NRG1: variants seen among roughly 807,000 people sequenced by gnomAD.
NRG1 encodes neuregulin 1.
Under a neutral mutation model 63.8 loss-of-function variants are expected in NRG1, and 18 were observed. That is an observed-to-expected ratio of 0.28 (90% CI 0.19 to 0.42). The LOEUF is 0.42. Ranked by LOEUF, NRG1 falls within the 10% of genes least tolerant of loss-of-function variation. The probability of loss-of-function intolerance (pLI) is 1.00; values close to 1 mark genes in which losing one functional copy is unlikely to be tolerated. For synonymous variants in NRG1, 302 were observed against 301.3 expected (o/e 1.00, Z -0.02); for missense variants, 762 against 814.7 (o/e 0.94, Z 0.79).
chr8:32,029,391 A>G (rs189290634), intron 1 of NRG1: 13 of 152,324 alleles, frequency 8.5e-5, no homozygotes, highest in Admixed American at 4.6e-4. Flanking sequence ...TCGGGCAGCC[A>G]TTAGAACCAA....
chr8:32,004,573 T>C (rs1396624149), intron 1 of NRG1, among the ~76,000 whole-genome samples: 1 of 151,718 alleles, frequency 6.6e-6, no homozygotes, highest in Non-Finnish European at 1.5e-5. Flanking sequence ...ATAAATCTAA[T>C]ACTGTTTAAA....
chr8:32,658,629 C>T (rs1441946338), intron 5 of NRG1, among the ~76,000 whole-genome samples: 2 of 146,784 alleles, frequency 1.4e-5, no homozygotes, highest in Non-Finnish European at 1.5e-5. Context: ...CACAGAGAGA[C>T]AAGCCCAAAG....
At chr8:31,651,785 T>A (rs1804870312) in intron 1 of NRG1, among the ~76,000 whole-genome samples, 1 of 150,166 alleles carries the variant, frequency 6.7e-6, no homozygotes, top group South Asian at 2.1e-4. Flanking sequence ...GCTAGGTCCA[T>A]TTTTTTTTTC....
In NRG1 at chr8:31,757,408, TA is replaced by T. The variant is rs563854105; in HGVS notation, c.37+117984del. Among the ~76,000 whole-genome samples the T allele has an allele frequency of 2.0e-4, 31 of 152,168 alleles. No homozygotes were observed. In the East Asian group the frequency reaches 5.4e-3, roughly 27 times the overall value. On this transcript the variant is annotated intron_variant, in intron 1 of 10. Transcript: ENST00000519301. ...ATAATGTAGAATTTGTCACATTGGC[TA>T]AAAAAACAACTCCACTAAATCAGGA...
chr8:31,769,688 C>A (rs1023993956), intron 1 of NRG1, among the ~76,000 whole-genome samples: 1 of 152,024 alleles, frequency 6.6e-6, no homozygotes, highest in Non-Finnish European at 1.5e-5. Context: ...ACTAAGGACA[C>A]CAATGGTGAA....
intron 1 of NRG1, among the ~76,000 whole-genome samples, chr8:32,427,486 A>G (rs1817538008): frequency 3.3e-5 from 5 of 152,188 alleles, no homozygotes; most frequent in Admixed American, 2.0e-4. Context: ...TTTCCATAGC[A>G]GAGGAGCTGC....
chr8:31,820,787 A>G (rs1439033779), intron 1 of NRG1, among the ~76,000 whole-genome samples: 1 of 152,236 alleles, frequency 6.6e-6, no homozygotes, highest in South Asian at 2.1e-4. Flanking sequence ...TGAGGGTTTA[A>G]TGTTTTGTAT....
chr8:32,413,083 A>C (rs1250679379), intron 1 of NRG1, among the ~76,000 whole-genome samples: 2 of 152,176 alleles, frequency 1.3e-5, no homozygotes, highest in Non-Finnish European at 2.9e-5. Flanking sequence ...TGTGTCCCAA[A>C]AGCCTGAAAC....
At chr8:32,517,187 C>T (rs1025061100) in intron 1 of NRG1, among the ~76,000 whole-genome samples, 1 of 152,072 alleles carries the variant, frequency 6.6e-6, no homozygotes, top group African/African-American at 2.4e-5. Flanking sequence ...CTTTGTTTTC[C>T]AACCACATTG....
intron 1 of NRG1, among the ~76,000 whole-genome samples, chr8:32,474,088 T>C (rs7007364): frequency 0.62 from 94,577 of 152,064 alleles, 29,673 homozygotes; most frequent in East Asian, 0.8. Flanking sequence ...AATGTGTTTA[T>C]AGTAATATAT....
chr8:32,372,653 A>G (rs1809063905), intron 1 of NRG1, among the ~76,000 whole-genome samples: 1 of 152,172 alleles, frequency 6.6e-6, no homozygotes, highest in South Asian at 2.1e-4. Flanking sequence ...TGTAGGTAAA[A>G]TAGAGCTCAG....
intron 1 of NRG1, chr8:31,639,805 TC>T (rs886578614): frequency 2.8e-4 from 342 of 1,237,772 alleles, no homozygotes; most frequent in Non-Finnish European, 3.3e-4. Context: ...ATCCACTTCT[TC>T]CCCCTCCTCC....
chr8:31,738,859 A>G (rs1586049197), intron 1 of NRG1, among the ~76,000 whole-genome samples: 1 of 152,084 alleles, frequency 6.6e-6, no homozygotes, highest in Non-Finnish European at 1.5e-5. Context: ...TTGTAAGTAC[A>G]CCAGCCAAAT....
At chr8:32,560,703 T>C (rs1425874957) in intron 1 of NRG1, among the ~76,000 whole-genome samples, 2 of 152,220 alleles carry the variant, frequency 1.3e-5, no homozygotes, top group Non-Finnish European at 2.9e-5. Flanking sequence ...TCATAATCAG[T>C]GCTTAATTAT....
chr8:32,302,937 T>A (rs1455072487), intron 1 of NRG1, among the ~76,000 whole-genome samples: 1 of 152,146 alleles, frequency 6.6e-6, no homozygotes, highest in Non-Finnish European at 1.5e-5. Context: ...ATCCTAGCAC[T>A]TTCGGAGGCC....
chr8:32,473,752 C>T (rs955632522), intron 1 of NRG1, among the ~76,000 whole-genome samples: 2 of 152,180 alleles, frequency 1.3e-5, no homozygotes, highest in Non-Finnish European at 2.9e-5. Flanking sequence ...GACATAATCA[C>T]AGCTCACTGC....
At chr8:32,315,687 G>A (rs1040649013) in intron 1 of NRG1, among the ~76,000 whole-genome samples, 1 of 152,142 alleles carries the variant, frequency 6.6e-6, no homozygotes. Flanking sequence ...TCTGACACCT[G>A]CTAGACACCC....
intron 1 of NRG1, among the ~76,000 whole-genome samples, chr8:32,393,128 C>A (rs1386538118): frequency 6.6e-6 from 1 of 152,222 alleles, no homozygotes; most frequent in East Asian, 1.9e-4. Flanking sequence ...CAACAAAAAC[C>A]TTTATATTTT....
intron 1 of NRG1, among the ~76,000 whole-genome samples, chr8:31,720,089 T>C (rs916096657): frequency 1.1e-4 from 17 of 152,160 alleles, no homozygotes; most frequent in African/African-American, 4.1e-4. Context: ...TATTTCCAGG[T>C]TATTCCTTCT....
Sources: allele counts gnomAD v4.1 joint callset (sites outside exome capture counted in the v4.1 genomes callset), GRCh38; gene constraint gnomAD v4.1.1; transcripts MANE v1.5; gene names NCBI Gene and HGNC (gene_info 2026-07-23, HGNC 2026-07-21).